SSH2: variants seen among roughly 807,000 people sequenced by gnomAD.
SSH2 encodes slingshot protein phosphatase 2.
In SSH2, 37 loss-of-function variants were observed where a neutral mutation model predicts 135.2. The observed-to-expected ratio is 0.27, with a 90% CI of 0.21 to 0.36. The LOEUF is 0.36. Ranked by LOEUF, SSH2 falls within the 10% of genes least tolerant of loss-of-function variation. The pLI, the probability that SSH2 is intolerant of heterozygous loss-of-function variation, is 1.00. For synonymous variants in SSH2, 628 were observed against 646.2 expected (o/e 0.97, Z 0.43); for missense variants, 1,408 against 1,765.3 (o/e 0.80, Z 3.63).
chr17:29,838,652 G>C (rs2042986429), intron 2 of SSH2, among the ~76,000 whole-genome samples: 1 of 152,126 alleles, frequency 6.6e-6, no homozygotes, highest in South Asian at 2.1e-4. Flanking sequence ...CTCTCTGTTG[G>C]AGCTGAACAC....
At chr17:29,822,922 C>T (rs2042678549) in intron 2 of SSH2, among the ~76,000 whole-genome samples, 3 of 152,104 alleles carry the variant, frequency 2.0e-5, no homozygotes, top group Admixed American at 6.5e-5. Flanking sequence ...ATTTTGTTTA[C>T]AAAACTCAAA....
At chr17:29,816,571 A>G (rs572453066) in intron 2 of SSH2, among the ~76,000 whole-genome samples, 1 of 152,326 alleles carries the variant, frequency 6.6e-6, no homozygotes, top group South Asian at 2.1e-4. Flanking sequence ...GTTAGTAGAT[A>G]TGAAGAGAAG....
At chr17:29,814,363 G>A (rs2042513563) in intron 2 of SSH2, among the ~76,000 whole-genome samples, 1 of 148,894 alleles carries the variant, frequency 6.7e-6, no homozygotes, top group South Asian at 2.1e-4. Flanking sequence ...AACCCGGGAG[G>A]CGGAGCTTGC....
chr17:29,930,145 G>C lies in SSH2; in HGVS notation c.-145C>G. The C allele has an allele frequency of 2.7e-6, 2 of 737,180 alleles. No individual in the cohort carries two copies. The highest frequency in any genetic ancestry group is 4.4e-6 in the Non-Finnish European group (2 of 455,538). The allele number at this position is 737,180 out of a possible 1,614,324, so 45.7% of individuals were successfully genotyped here. ...GGAGGAGGCCGCGGGAACGGCCGCA[G>C]ACTCCGCACCCACCACCAGACTGTC... On this transcript the variant is annotated 5_prime_UTR_variant, in exon 1 of 16. Coordinates refer to ENST00000540801, the MANE Select transcript of SSH2 (RefSeq NM_001282129.2).
intron 1 of SSH2, among the ~76,000 whole-genome samples, chr17:29,912,750 C>CA (rs1357331399): frequency 6.6e-6 from 1 of 151,846 alleles, no homozygotes; most frequent in Admixed American, 6.6e-5. Context: ...CCCCTCCCAC[C>CA]AAAAAATATC....
At chr17:29,841,730 G>GT (rs954500514) in intron 2 of SSH2, among the ~76,000 whole-genome samples, 5 of 151,850 alleles carry the variant, frequency 3.3e-5, no homozygotes, top group African/African-American at 7.3e-5. Context: ...TTCTTTTTCT[G>GT]TTTTTTCTTT....
chr17:29,913,347 A>AAAAAAAAAAAAATTATATAT, intron 1 of SSH2, among the ~76,000 whole-genome samples: 1 of 28,778 alleles, frequency 3.5e-5, no homozygotes, highest in Non-Finnish European at 5.9e-5. Context: ...AAAAAAAAAA[A>AAAAAAAAAAAAATTATATAT]ATATATATAT....
chr17:29,905,033 T>C (rs566352792), intron 1 of SSH2, among the ~76,000 whole-genome samples: 2 of 152,292 alleles, frequency 1.3e-5, no homozygotes, highest in South Asian at 2.1e-4. Flanking sequence ...TCCATGCTGA[T>C]AGGAAGAATC....
Position 29,684,489 on chromosome 17 carries a change from A to G in SSH2, c.479+74T>C. On this transcript the variant is annotated intron_variant, in intron 6 of 15. Transcript: ENST00000540801. Reference sequence around the variant, plus strand: ...GATGACACTCCGTCCCCATTAAAAAAAAAAAAAAAAAAAAGCAACTGGAAC... The same window carrying G: ...GATGACACTCCGTCCCCATTAAAAAGAAAAAAAAAAAAAAGCAACTGGAAC... 17 of 1,336,132 alleles carry G rather than the reference A, an allele frequency of 1.3e-5. No individual in the cohort carries two copies. The African/African-American group carries it at 1.5e-4, about 12-fold the overall frequency. 82.8% of individuals were successfully genotyped at this position (1,336,132 alleles called of 1,614,324 possible). A position where few individuals can be genotyped will look rare whatever the true frequency, so the allele number is the denominator to read the frequency against.
intron 1 of SSH2, among the ~76,000 whole-genome samples, chr17:29,904,717 G>A (rs1599170953): frequency 1.3e-5 from 2 of 152,124 alleles, no homozygotes; most frequent in South Asian, 2.1e-4. Context: ...AATTACTTTT[G>A]TTTACAGATG....
chr17:29,840,759 C>T (rs1189779840), intron 2 of SSH2, among the ~76,000 whole-genome samples: 1 of 152,196 alleles, frequency 6.6e-6, no homozygotes, highest in Non-Finnish European at 1.5e-5. Flanking sequence ...CTACTTGGCA[C>T]AGATAATGCG....
intron 3 of SSH2, 115 bp downstream of exon 3, chr17:29,793,779 G>A (rs1375994464): frequency 4.5e-6 from 4 of 879,270 alleles, no homozygotes; most frequent in Non-Finnish European, 7.1e-6. Context: ...GAAGCACGTT[G>A]AAAAACAAGG....
At position 29,728,620 on chromosome 17, in the gene SSH2, G is replaced by A. The variant is rs1010491010; in HGVS notation, c.189-25558C>T. Among the ~76,000 whole-genome samples, 4 of 152,142 alleles carry A rather than the reference G, an allele frequency of 2.6e-5. No individual in the cohort carries two copies. The South Asian group carries it at 8.3e-4, about 31-fold the overall frequency. Reference sequence around the variant, plus strand: ...ATCCTAAGCAAAAGGAACAAAACCGGAGGAATCACATTGTCTGACTTCAAA... The same window carrying A: ...ATCCTAAGCAAAAGGAACAAAACCGAAGGAATCACATTGTCTGACTTCAAA... On this transcript the variant is annotated intron_variant, in intron 3 of 15. Transcript: ENST00000540801.
intron 1 of SSH2, among the ~76,000 whole-genome samples, chr17:29,875,827 C>T (rs929353446): frequency 9.2e-5 from 14 of 152,066 alleles, no homozygotes; most frequent in African/African-American, 2.4e-4. Flanking sequence ...AAACCTCACT[C>T]GGTATAACTC....
intron 5 of SSH2, 114 bp downstream of exon 5, chr17:29,695,345 C>T (rs1427637095): frequency 2.8e-6 from 2 of 708,312 alleles, no homozygotes; most frequent in Non-Finnish European, 4.7e-6. Flanking sequence ...ATTATCTTCT[C>T]TCTTACTTCA....
intron 14 of SSH2, chr17:29,643,175 G>C: frequency 2.0e-6 from 2 of 985,382 alleles, no homozygotes; most frequent in Non-Finnish European, 2.4e-6. Context: ...CTTCTAAGCA[G>C]GCAGATCTGG....
Position 29,838,574 on chromosome 17 carries a change from T to A in SSH2, c.144+10275A>T, listed in dbSNP as rs150635474. ...TGCACTTCCTTCCCTCTGAGGCCCA[T>A]GAAAAGCCCCGGACTCAGCCAGACC... On this transcript the variant is annotated intron_variant, in intron 2 of 15. Coordinates refer to ENST00000540801, the MANE Select transcript of SSH2 (RefSeq NM_001282129.2). Among the ~76,000 whole-genome samples the A allele has an allele frequency of 1.4e-3, 210 of 152,204 alleles. 1 individual carries two copies. The highest frequency in any genetic ancestry group is 4.5e-3 in the African/African-American group (189 of 41,546).
At chr17:29,909,775 G>C (rs1344362429) in intron 1 of SSH2, among the ~76,000 whole-genome samples, 1 of 152,162 alleles carries the variant, frequency 6.6e-6, no homozygotes, top group African/African-American at 2.4e-5. Flanking sequence ...ATCACTGTAT[G>C]AGTCACCTTA....
At chr17:29,692,033 G>A (rs943475266) in intron 5 of SSH2, among the ~76,000 whole-genome samples, 13 of 151,328 alleles carry the variant, frequency 8.6e-5, no homozygotes, top group Middle Eastern at 3.2e-3. Flanking sequence ...CCAGCTAGTC[G>A]GGGGGCTGAG....
Sources: gnomAD v4.1 joint callset for allele counts (sites outside exome capture counted in the v4.1 genomes callset) on GRCh38, gnomAD v4.1.1 for gene constraint, MANE v1.5 for transcripts, NCBI Gene and HGNC (gene_info 2026-07-23, HGNC 2026-07-21) for gene names.